SAMD5: variants seen among roughly 807,000 people sequenced by gnomAD.
SAMD5 encodes sterile alpha motif domain-containing protein 5.
SAMD5 carries 13 observed loss-of-function variants against 11.3 expected under a neutral mutation model. The ratio of observed to expected loss-of-function variants is 1.15; its 90% CI spans 0.75 to 1.83. SAMD5 has a LOEUF of 1.83. Among genes scored for constraint, SAMD5 ranks in the 40% most tolerant of loss-of-function variants. SAMD5 has a pLI of 0.00. For missense variants in SAMD5, 255 were observed against 239.1 expected (o/e 1.07, Z -0.44); for synonymous variants, 129 against 111.3 (o/e 1.16, Z -1.00).
chr6:147,653,624 TG>T (rs1790523860), intron 1 of SAMD5, among the ~76,000 whole-genome samples: 1 of 152,228 alleles, frequency 6.6e-6, no homozygotes, highest in Non-Finnish European at 1.5e-5. Context: ...TGTATGAAAT[TG>T]TTCATCTAGA....
chr6:147,670,509 G>C (rs1790780201), intron 1 of SAMD5, among the ~76,000 whole-genome samples: 1 of 152,210 alleles, frequency 6.6e-6, no homozygotes, highest in African/African-American at 2.4e-5. Flanking sequence ...AAACTCTGTT[G>C]TTTAGTTTAG....
chr6:147,573,816 T>C (rs1384016152), downstream of SAMD5, among the ~76,000 whole-genome samples: 1 of 152,162 alleles, frequency 6.6e-6, no homozygotes, highest in Non-Finnish European at 1.5e-5. Flanking sequence ...GTTTTCAAGA[T>C]ATGCTAGAAT....
At chr6:147,669,422 T>G in intron 1 of SAMD5, among the ~76,000 whole-genome samples, 1 of 33,964 alleles carries the variant, frequency 2.9e-5, no homozygotes, top group African/African-American at 5.0e-5. Context: ...CTCCACTTCT[T>G]TTTTTTTTTT....
In SAMD5 at chr6:147,539,821, T is replaced by C. The variant is rs531792183; in HGVS notation, c.460-24573T>C. Among the ~76,000 whole-genome samples, 7 of 152,248 alleles carry C rather than the reference T, an allele frequency of 4.6e-5. No individual in the cohort carries two copies. In the East Asian group the frequency reaches 1.4e-3, roughly 29 times the overall value. On this transcript the variant is annotated intron_variant, in intron 1 of 1. Coordinates refer to ENST00000367474, the MANE Select transcript of SAMD5 (RefSeq NM_001030060.3). ...GCCTTTTAAATATATCTATAGTTTG[T>C]TTATCCACTTTTAATTAAGCTGGCT...
At chr6:147,812,570 A>G in the SAMD5 span, among the ~76,000 whole-genome samples, 2 of 152,168 alleles carry the variant, frequency 1.3e-5, no homozygotes, top group Non-Finnish European at 2.9e-5. Context: ...GTATATTTAA[A>G]AATCTTGCCC....
intron 1 of SAMD5, among the ~76,000 whole-genome samples, chr6:147,700,166 T>C (rs1791233114): frequency 6.6e-6 from 1 of 152,216 alleles, no homozygotes; most frequent in South Asian, 2.1e-4. Context: ...TAGTTTGTAT[T>C]ATTAAACTCG....
chr6:147,677,661 A>G (rs1790883094), intron 1 of SAMD5, among the ~76,000 whole-genome samples: 1 of 152,054 alleles, frequency 6.6e-6, no homozygotes, highest in Non-Finnish European at 1.5e-5. Flanking sequence ...GCTCACCACT[A>G]TGGAGGAAGC....
Position 147,656,363 on chromosome 6 carries a change from A to G in SAMD5, c.163-80954A>G, listed in dbSNP as rs185378975. ...ATAAAAATAAAACTTTTGCAAGTCA[A>G]AAGCAAAAAATTGAAAACAAACAAA... On this transcript the variant is annotated intron_variant, in intron 1 of 1. Transcript: ENST00000566741. Among the ~76,000 whole-genome samples the G allele has an allele frequency of 9.0e-4, 137 of 152,304 alleles. 1 individual carries two copies. The East Asian group carries it at 0.026, about 29-fold the overall frequency.
At chr6:147,670,742 G>A (rs900960397) in intron 1 of SAMD5, among the ~76,000 whole-genome samples, 1 of 152,194 alleles carries the variant, frequency 6.6e-6, no homozygotes, top group Non-Finnish European at 1.5e-5. Flanking sequence ...ATTAGGCTTT[G>A]AGTTAAAGGA....
chr6:147,777,338 C>T, the SAMD5 span, among the ~76,000 whole-genome samples: 4,724 of 152,106 alleles, frequency 0.031, 242 homozygotes, highest in African/African-American at 0.11. Flanking sequence ...GTTCCTGATC[C>T]GTCCACCCAC....
At chr6:147,892,608 C>T in the SAMD5 span, among the ~76,000 whole-genome samples, 1 of 152,148 alleles carries the variant, frequency 6.6e-6, no homozygotes. Context: ...TTCCCCATCT[C>T]TCACACGTAA....
chr6:147,607,263 A>G (rs1789717755), intron 1 of SAMD5, among the ~76,000 whole-genome samples: 1 of 152,192 alleles, frequency 6.6e-6, no homozygotes, highest in Admixed American at 6.5e-5. Flanking sequence ...ACTACCCAAT[A>G]CAATCTACAG....
chr6:147,516,691 G>T (rs906489094), intron 1 of SAMD5, among the ~76,000 whole-genome samples: 4 of 152,146 alleles, frequency 2.6e-5, no homozygotes, highest in Non-Finnish European at 1.5e-5. Flanking sequence ...CAGCTCTAAG[G>T]CCCAGCAAAG....
At chr6:147,717,991 G>A (rs1447736952) in intron 1 of SAMD5, among the ~76,000 whole-genome samples, 3 of 152,192 alleles carry the variant, frequency 2.0e-5, no homozygotes, top group African/African-American at 7.2e-5. Flanking sequence ...AGTAGTATCT[G>A]GAGTAAAAGC....
the SAMD5 span, among the ~76,000 whole-genome samples, chr6:147,936,127 G>A: frequency 6.6e-6 from 1 of 152,118 alleles, no homozygotes; most frequent in African/African-American, 2.4e-5. Context: ...ATGGGGAAGA[G>A]AAAACTTTCC....
chr6:147,591,295 G>T (rs844568), intron 1 of SAMD5, among the ~76,000 whole-genome samples: 100,091 of 151,742 alleles, frequency 0.66, 33,216 homozygotes, highest in South Asian at 0.74. Context: ...AAAAGAGGTG[G>T]AACTCCAGTG....
chr6:147,700,834 C>T (rs1027899346), intron 1 of SAMD5, among the ~76,000 whole-genome samples: 2 of 152,200 alleles, frequency 1.3e-5, no homozygotes, highest in East Asian at 1.9e-4. Context: ...GATTAAATTA[C>T]GTTCTTGGCT....
At chr6:147,877,945 A>AAGAGTCT in the SAMD5 span, among the ~76,000 whole-genome samples, 1 of 67,756 alleles carries the variant, frequency 1.5e-5, no homozygotes, top group African/African-American at 8.0e-5. Context: ...ATAGATAGAT[A>AAGAGTCT]GACTCTGTCA....
At chr6:147,808,685 A>G in the SAMD5 span, among the ~76,000 whole-genome samples, 1 of 152,178 alleles carries the variant, frequency 6.6e-6, no homozygotes, top group Non-Finnish European at 1.5e-5. Flanking sequence ...CAGCTATTTT[A>G]TTTTCCCAGT....
Sources: gnomAD v4.1 joint callset for allele counts (sites outside exome capture counted in the v4.1 genomes callset) on GRCh38, gnomAD v4.1.1 for gene constraint, MANE v1.5 for transcripts, NCBI Gene and HGNC (gene_info 2026-07-23, HGNC 2026-07-21) for gene names.